Variants in SPIDR observed in about 807,000 individuals in gnomAD.
SPIDR encodes scaffold protein involved in DNA repair, also known as DNA repair-scaffolding protein.
A neutral mutation model predicts 104.6 loss-of-function variants in SPIDR; 93 were observed. The observed-to-expected ratio is 0.89, with a 90% CI of 0.75 to 1.06. SPIDR has a LOEUF of 1.06. Ranked by LOEUF, SPIDR falls within the 50% of genes least tolerant of loss-of-function variation. SPIDR has a pLI of 0.00. For missense variants in SPIDR, 1,154 were observed against 1,111.2 expected (o/e 1.04, Z -0.55); for synonymous variants, 431 against 416.9 (o/e 1.03, Z -0.41).
intron 8 of SPIDR, among the ~76,000 whole-genome samples, chr8:47,551,424 A>G (rs770295517): frequency 6.6e-6 from 1 of 152,158 alleles, no homozygotes; most frequent in Non-Finnish European, 1.5e-5. Flanking sequence ...TTGGTAGACT[A>G]TTAATTATTG....
chr8:47,667,408 G>A (rs1472595079), intron 10 of SPIDR, among the ~76,000 whole-genome samples: 1 of 143,882 alleles, frequency 7.0e-6, no homozygotes, highest in Non-Finnish European at 1.5e-5. Flanking sequence ...ACCAGCCCAG[G>A]CAGCATAGCA....
chr8:47,464,656 TAGTCCTGTCC>T (rs368156592), intron 8 of SPIDR, among the ~76,000 whole-genome samples: 329 of 150,336 alleles, frequency 2.2e-3, no homozygotes, highest in African/African-American at 7.3e-3. Context: ...TTGTCTTGTC[TAGTCCTGTCC>T]TGTCCTGTCC....
chr8:47,316,471 T>C lies in SPIDR; in HGVS notation c.525+22441T>C, dbSNP rs79585281. Among the ~76,000 whole-genome samples the C allele has an allele frequency of 7.5e-3, 1,143 of 152,292 alleles. 12 individuals carry two copies. Among genetic ancestry groups the C allele is most frequent in the African/African-American group, 0.026 (1,096 of 41,560 alleles). On this transcript the variant is annotated intron_variant, in intron 5 of 19. Coordinates refer to ENST00000297423, the MANE Select transcript of SPIDR (RefSeq NM_001080394.4). ...GGACACAGCTCATATACCCACCAGT[T>C]GGAGACTGGATCAACAAATAGGTAT... is the stretch of plus-strand genomic sequence containing the variant.
At chr8:47,309,854 C>G (rs2154253610) in intron 5 of SPIDR, among the ~76,000 whole-genome samples, 1 of 150,466 alleles carries the variant, frequency 6.6e-6, no homozygotes, top group East Asian at 2.0e-4. Context: ...CTGGCTAACA[C>G]AGTGAAACCC....
intron 10 of SPIDR, among the ~76,000 whole-genome samples, chr8:47,667,583 C>T (rs902685551): frequency 1.3e-5 from 2 of 151,058 alleles, no homozygotes; most frequent in African/African-American, 4.9e-5. Flanking sequence ...ATAGGAAAGG[C>T]ATAATAGAAT....
intron 10 of SPIDR, among the ~76,000 whole-genome samples, chr8:47,604,121 A>G (rs1306060380): frequency 2.6e-5 from 4 of 152,234 alleles, no homozygotes; most frequent in Admixed American, 1.3e-4. Flanking sequence ...ACAAGTTGCA[A>G]TAAGTACCCT....
chr8:47,365,614 A>G (rs1484128095), intron 5 of SPIDR, among the ~76,000 whole-genome samples: 4 of 152,174 alleles, frequency 2.6e-5, no homozygotes, highest in Non-Finnish European at 5.9e-5. Flanking sequence ...CTTTTCCTGC[A>G]TTAAAGCTTC....
chr8:47,405,018 C>T (rs1563871512), intron 6 of SPIDR, among the ~76,000 whole-genome samples: 1 of 152,120 alleles, frequency 6.6e-6, no homozygotes, highest in Non-Finnish European at 1.5e-5. Flanking sequence ...GAGTGCTATG[C>T]AGCTGTAAGA....
intron 8 of SPIDR, among the ~76,000 whole-genome samples, chr8:47,477,422 C>T (rs911819928): frequency 2.0e-5 from 3 of 152,206 alleles, no homozygotes; most frequent in Admixed American, 6.5e-5. Context: ...TCTTGAACTC[C>T]TGGCCTCAAG....
intron 8 of SPIDR, among the ~76,000 whole-genome samples, chr8:47,487,504 C>G (rs960019975): frequency 1.3e-5 from 2 of 152,098 alleles, no homozygotes; most frequent in Admixed American, 6.5e-5. Context: ...ACCTAGAGGA[C>G]CTAATAGACA....
chr8:47,441,270 C>T (rs1253474729), intron 8 of SPIDR, among the ~76,000 whole-genome samples: 3 of 152,096 alleles, frequency 2.0e-5, no homozygotes, highest in African/African-American at 7.2e-5. Context: ...ACTGGCAATG[C>T]CTGAAGTGCC....
At position 47,397,438 on chromosome 8, in the gene SPIDR, G is replaced by A. The variant is rs576377613; in HGVS notation, c.776+812G>A. On this transcript the variant is annotated intron_variant, in intron 6 of 19. Transcript: ENST00000297423. The stretch of plus-strand genomic sequence containing the variant: ...TTGAATCTGGGAGGCGGAGGTTGCA[G>A]TGAGCTGAGATCGTGCCATTGCACT... Among the ~76,000 whole-genome samples the A allele has an allele frequency of 2.0e-5, 3 of 152,290 alleles. No individual in the cohort carries two copies. The South Asian group carries it at 6.2e-4, about 32-fold the overall frequency.
chr8:47,399,155 T>A (rs1443821402), intron 6 of SPIDR, among the ~76,000 whole-genome samples: 1 of 152,172 alleles, frequency 6.6e-6, no homozygotes, highest in African/African-American at 2.4e-5. Context: ...TTCATCATGT[T>A]TGTATGTTGA....
At chr8:47,637,436 G>A (rs2068112575) in intron 10 of SPIDR, among the ~76,000 whole-genome samples, 1 of 152,128 alleles carries the variant, frequency 6.6e-6, no homozygotes, top group Admixed American at 6.6e-5. Context: ...TGGGCATGGT[G>A]GCACGCACCT....
chr8:47,710,157 G>A (rs923966212), intron 14 of SPIDR, among the ~76,000 whole-genome samples: 2 of 152,048 alleles, frequency 1.3e-5, no homozygotes, highest in Non-Finnish European at 2.9e-5. Context: ...GGATTACCAC[G>A]CCTGGCCAGA....
intron 7 of SPIDR, among the ~76,000 whole-genome samples, chr8:47,434,709 A>T (rs975178746): frequency 1.3e-5 from 2 of 151,736 alleles, no homozygotes; most frequent in African/African-American, 4.8e-5. Context: ...CCCTCATACT[A>T]ACTTGCTTCA....
At chr8:47,402,121 T>A (rs962854794) in intron 6 of SPIDR, among the ~76,000 whole-genome samples, 1 of 152,078 alleles carries the variant, frequency 6.6e-6, no homozygotes, top group Non-Finnish European at 1.5e-5. Context: ...GAACAGAAAT[T>A]ATAACAAAAT....
intron 8 of SPIDR, among the ~76,000 whole-genome samples, chr8:47,515,470 T>C (rs749522483): frequency 4.6e-5 from 7 of 152,072 alleles, no homozygotes; most frequent in Non-Finnish European, 8.8e-5. Flanking sequence ...AGACTGAAAG[T>C]GATGAAGGTG....
chr8:47,585,765 G>T (rs1048443727), intron 8 of SPIDR, among the ~76,000 whole-genome samples: 5 of 152,106 alleles, frequency 3.3e-5, no homozygotes, highest in Non-Finnish European at 5.9e-5. Context: ...GAGCATGCTA[G>T]GTCAGGTCTC....
Sources: allele counts gnomAD v4.1 joint callset (sites outside exome capture counted in the v4.1 genomes callset), GRCh38; gene constraint gnomAD v4.1.1; transcripts MANE v1.5; gene names NCBI Gene and HGNC (gene_info 2026-07-23, HGNC 2026-07-21).